The following PARP10 variants were observed in gnomAD, a reference collection of about 807,000 sequenced individuals.
PARP10 encodes the protein protein mono-ADP-ribosyltransferase PARP10.
In PARP10, 56 loss-of-function variants were observed where a neutral mutation model predicts 82.4. The observed-to-expected ratio is 0.68, with a 90% CI of 0.55 to 0.85. PARP10 has a LOEUF of 0.85. Ranked by LOEUF, PARP10 falls within the 40% of genes least tolerant of loss-of-function variation. The pLI, the probability that PARP10 is intolerant of heterozygous loss-of-function variation, is 0.00. For missense variants in PARP10, 1,227 were observed against 1,379.4 expected (o/e 0.89, Z 1.75); for synonymous variants, 576 against 601.1 (o/e 0.96, Z 0.61).
intron 1 of PARP10, among the ~76,000 whole-genome samples, chr8:144,007,867 C>T (rs1470373334): frequency 3.3e-5 from 5 of 152,194 alleles, no homozygotes; most frequent in South Asian, 2.1e-4. Flanking sequence ...TCAGTGGCCC[C>T]GCCTGCTGGA....
At chr8:144,005,885 T>G (rs1369971252) in intron 1 of PARP10, among the ~76,000 whole-genome samples, 1 of 151,836 alleles carries the variant, frequency 6.6e-6, no homozygotes, top group Non-Finnish European at 1.5e-5. Flanking sequence ...TCCTCCACCT[T>G]CCGCACGGAG....
chr8:143,995,109 CA>C (rs1256221379), upstream of PARP10, among the ~76,000 whole-genome samples: 3 of 152,052 alleles, frequency 2.0e-5, no homozygotes, highest in Non-Finnish European at 2.9e-5. Context: ...GGGACAGGGC[CA>C]GGGGGTGGAG....
chr8:143,979,929 G>A (rs1232948389), intron 9 of PARP10, among the ~76,000 whole-genome samples: 12 of 150,558 alleles, frequency 8.0e-5, no homozygotes, highest in African/African-American at 2.4e-5. Context: ...GGAGAATGGC[G>A]TGAACGCAGG....
At position 143,985,949 on chromosome 8, in the gene PARP10, C is replaced by T; in HGVS notation, c.208G>A (p.Asp70Asn). The T allele has an allele frequency of 6.3e-7, 1 of 1,579,830 alleles. No individual in the cohort carries two copies. Among genetic ancestry groups the T allele is most frequent in the Non-Finnish European group, 8.6e-7 (1 of 1,158,640 alleles). The change falls in exon 3 of 11, where the codon GAT becomes AAT. Residue 70 changes from aspartate (D) to asparagine (N), a missense_variant. By Grantham distance (23) the Asp-to-Asn change is conservative. Transcript: ENST00000313028. Reference sequence around the variant, plus strand: ...AGCTGGGCACCATGTAGTTCGTGATCTGCCTGGGCCAAGACCCTCTCGGCG... The same window carrying T: ...AGCTGGGCACCATGTAGTTCGTGATTTGCCTGGGCCAAGACCCTCTCGGCG... ...ADAERVLAQA[D>N]HELHGAQLSL...
At chr8:143,992,937 T>TC, upstream of PARP10, 1 of 1,045,476 alleles carries the variant, frequency 9.6e-7, no homozygotes, top group Non-Finnish European at 1.4e-6. Flanking sequence ...CTCTCTCTTG[T>TC]CCCCAGGCAC....
At chr8:143,979,035 C>T (rs931165008) in intron 9 of PARP10, among the ~76,000 whole-genome samples, 3 of 151,312 alleles carry the variant, frequency 2.0e-5, no homozygotes, top group Admixed American at 6.6e-5. Flanking sequence ...TGCAGTGGCA[C>T]GATCTCGGCT....
upstream of PARP10, chr8:143,992,247 G>T: frequency 6.2e-7 from 1 of 1,603,084 alleles, no homozygotes; most frequent in Non-Finnish European, 8.5e-7. Flanking sequence ...AACTGCAGTC[G>T]GTCCTGACCG....
rs868995069 is a variant in PARP10 at position 144,001,872 on chromosome 8, A to G, written c.-80+10658T>C. 1.0e-3 allele frequency among the ~76,000 whole-genome samples: 124 copies of G among 121,218 alleles called. 1 individual carries two copies. The highest frequency in any genetic ancestry group is 1.7e-3 in the Non-Finnish European group (106 of 62,278). 79.5% of individuals were successfully genotyped at this position (121,218 alleles called of 152,430 possible). Reference sequence around the variant, plus strand: ...GCAAGATCCATCTTTAAATATATATACGTGTGTGTGTGTGTGTGTGTGTGT... The same window carrying G: ...GCAAGATCCATCTTTAAATATATATGCGTGTGTGTGTGTGTGTGTGTGTGT... On this transcript the variant is annotated intron_variant, in intron 1 of 3. Transcript: ENST00000530478.
At chr8:143,989,407 G>A (rs533847162), upstream of PARP10, 1 of 152,342 alleles carries the variant, frequency 6.6e-6, no homozygotes, top group East Asian at 1.9e-4. This position sits in a 1 kb window ranked among gnomAD's most constrained non-coding sequence, Gnocchi z 4.3. Context: ...TAGTACAAAG[G>A]GTGACTGTGG....
intron 9 of PARP10, among the ~76,000 whole-genome samples, chr8:143,980,342 A>C (rs1272421764): frequency 2.1e-5 from 3 of 144,302 alleles, no homozygotes; most frequent in Non-Finnish European, 3.0e-5. Flanking sequence ...AAAAAAAAAA[A>C]AAAAAAAAAC....
chr8:144,008,132 C>CG lies in PARP10; in HGVS notation c.-80+4397dup, dbSNP rs1245584566. Among the ~76,000 whole-genome samples, 1 of 152,126 alleles carries CG rather than the reference C, an allele frequency of 6.6e-6. No individual in the cohort carries two copies. Among genetic ancestry groups the CG allele is most frequent in the African/African-American group, 2.4e-5 (1 of 41,432 alleles). ...CAGACCCGGAGGTTCAACATGGCCA[C>CG]GGCAGGCAGGATTGAAATGTTCGCA... On this transcript the variant is annotated intron_variant, in intron 1 of 3. Coordinates refer to the PARP10 transcript ENST00000530478. The surrounding 1 kb of genome is among the most constrained non-coding windows in gnomAD (Gnocchi z 4.0).
upstream of PARP10, chr8:143,991,513 G>A (rs782426419): frequency 1.9e-6 from 3 of 1,545,042 alleles, no homozygotes; most frequent in South Asian, 3.6e-5. Context: ...TACCCCCAAG[G>A]GGGCTACCCC....
At position 143,977,530 on chromosome 8, in the gene PARP10, G is replaced by A. The variant is rs1554746474; in HGVS notation, c.3032C>T (p.Ser1011Phe). ...LITCEHVPRA[S>F]PDDPSGLPGR... The stretch of plus-strand genomic sequence containing the variant: ...CGGGAGCCCAGAGGGGTCGTCGGGG[G>A]AAGCGCGGGGCACGTGCTCGCAGGT... The change falls in exon 11 of 11, where the codon TCC (serine) becomes TTC (phenylalanine). Residue 1011 changes from serine to phenylalanine, a missense_variant. Ser to Phe is a radical substitution (Grantham distance 155, BLOSUM62 -2). Transcript: ENST00000313028. The A allele has an allele frequency of 1.3e-6, 2 of 1,561,626 alleles. No individual in the cohort carries two copies. Among genetic ancestry groups the A allele is most frequent in the Admixed American group, 1.9e-5 (1 of 52,354 alleles).
At chr8:143,981,346 GTGA>G (rs797033872) in intron 9 of PARP10, among the ~76,000 whole-genome samples, 9,123 of 98,182 alleles carry the variant, frequency 0.093, 705 homozygotes, top group East Asian at 0.37. Context: ...AGTGGTGAAG[GTGA>G]TGGTGATGAT....
intron 1 of PARP10, among the ~76,000 whole-genome samples, chr8:144,004,901 G>A (rs577511124): frequency 6.6e-6 from 1 of 152,214 alleles, no homozygotes; most frequent in East Asian, 1.9e-4. Flanking sequence ...CCAAGAGTCC[G>A]GGCACGGTGG....
At position 144,008,925 on chromosome 8, in the gene PARP10, G is replaced by A. The variant is rs561760954; in HGVS notation, c.-80+3605C>T. Among the ~76,000 whole-genome samples, 12 of 152,272 alleles carry A rather than the reference G, an allele frequency of 7.9e-5. No homozygotes were observed. In the South Asian group the frequency reaches 2.3e-3, roughly 29 times the overall value. On this transcript the variant is annotated intron_variant, in intron 1 of 3. Transcript: ENST00000530478. This position sits in a 1 kb window ranked among gnomAD's most constrained non-coding sequence, Gnocchi z 4.0. ...GTAGGGGGAGGAGAGGAAGCCTGGC[G>A]GAGGCTAATTCAAAGAAAGGAGCAG... is the stretch of plus-strand genomic sequence containing the variant.
At chr8:143,980,408 C>A (rs1833824908) in intron 9 of PARP10, among the ~76,000 whole-genome samples, 1 of 148,132 alleles carries the variant, frequency 6.8e-6, no homozygotes, top group Non-Finnish European at 1.5e-5. Flanking sequence ...GCCTGTAATC[C>A]CAGCTACTTG....
Position 143,977,980 on chromosome 8 carries a change from G to C in PARP10, c.2658C>G (p.Tyr886Ter). Residue 886 changes from tyrosine to a stop codon, truncating the protein, a stop_gained, in exon 10 of 11, where the codon TAC (tyrosine) becomes TAG (stop). Transcript: ENST00000313028. LOFTEE classifies it high-confidence loss of function. ...GCACTGCCGGTGCCGTCGTGCCGTG[G>C]TACAGCACCTGCTCCACCGGGCGCC... ...CERRPVEQVLYHGTTAPAVPD... is the reference protein window; with the variant it reads ...CERRPVEQVL 1 of 1,598,256 alleles carries C rather than the reference G, an allele frequency of 6.3e-7. No homozygotes were observed. The highest frequency in any genetic ancestry group is 2.2e-5 in the East Asian group (1 of 44,774).
At chr8:143,995,638 G>A (rs55853893), upstream of PARP10, among the ~76,000 whole-genome samples, 46,252 of 151,998 alleles carry the variant, frequency 0.3, 7,574 homozygotes, top group Non-Finnish European at 0.36. Context: ...GTCCTATCTT[G>A]TAGGCCTCAG....
Sources: gnomAD v4.1 joint callset for allele counts (sites outside exome capture counted in the v4.1 genomes callset) on GRCh38, gnomAD v4.1.1 for gene constraint, Gnocchi (gnomAD v3.1) non-coding constraint, MANE v1.5 for transcripts, NCBI Gene and HGNC (gene_info 2026-07-23, HGNC 2026-07-21) for gene names.